MBD5: variants seen among roughly 807,000 people sequenced by gnomAD.
MBD5 encodes methyl-CpG-binding domain protein 5.
A neutral mutation model predicts 117.3 loss-of-function variants in MBD5; 13 were observed. The ratio of observed to expected loss-of-function variants is 0.11; its 90% CI spans 0.07 to 0.18. The LOEUF is 0.18. Among genes scored for constraint, MBD5 ranks in the 10% least tolerant of loss-of-function variants. The pLI is 1.00. For missense variants in MBD5, 1,879 were observed against 2,093.8 expected, an observed-to-expected ratio of 0.90 and a Z score of 2.00; for synonymous variants, 727 against 766.4, an observed-to-expected ratio of 0.95 and a Z score of 0.85.
intron 12 of MBD5, among the ~76,000 whole-genome samples, chr2:148,508,789 T>G (rs910537431): frequency 6.6e-6 from 1 of 152,178 alleles, no homozygotes; most frequent in Non-Finnish European, 1.5e-5. Context: ...TTTTGAAACA[T>G]AGGACCATCT....
intron 2 of MBD5, among the ~76,000 whole-genome samples, chr2:148,201,760 G>A (rs1438595042): frequency 6.6e-6 from 1 of 152,170 alleles, no homozygotes; most frequent in African/African-American, 2.4e-5. Context: ...ACCTGAAGTT[G>A]GGTGGTTTCT....
intron 4 of MBD5, among the ~76,000 whole-genome samples, chr2:148,455,300 C>T (rs150348202): frequency 1.3e-5 from 2 of 152,198 alleles, no homozygotes; most frequent in East Asian, 3.9e-4. Context: ...CATCCCCAAA[C>T]CCTGGACAAA....
At chr2:148,441,114 A>G (rs1270320909) in intron 4 of MBD5, among the ~76,000 whole-genome samples, 1 of 151,160 alleles carries the variant, frequency 6.6e-6, no homozygotes, top group African/African-American at 2.4e-5. Context: ...ATTTTTTTTT[A>G]TTTATTATAC....
intron 1 of MBD5, among the ~76,000 whole-genome samples, chr2:148,023,363 G>T (rs1400958902): frequency 6.6e-6 from 1 of 152,082 alleles, no homozygotes; most frequent in East Asian, 1.9e-4. Flanking sequence ...GTAGAAACTT[G>T]TTCTGTAAAA....
At chr2:148,363,627 C>A (rs766065931) in intron 4 of MBD5, among the ~76,000 whole-genome samples, 5 of 151,998 alleles carry the variant, frequency 3.3e-5, no homozygotes, top group Non-Finnish European at 7.4e-5. Flanking sequence ...GATACCCAGG[C>A]AAACAGGGTC....
chr2:148,456,573 G>T (rs1309712704), intron 4 of MBD5, among the ~76,000 whole-genome samples: 1 of 152,108 alleles, frequency 6.6e-6, no homozygotes, highest in African/African-American at 2.4e-5. Context: ...GACATGAACA[G>T]CAGGAGTCAT....
intron 3 of MBD5, among the ~76,000 whole-genome samples, chr2:148,260,983 G>A (rs1700718624): frequency 6.6e-6 from 1 of 152,158 alleles, no homozygotes. Context: ...CACTGTCAAT[G>A]AGCAGTAATA....
Position 148,469,675 on chromosome 2 carries a change from A to G in MBD5, c.1732A>G (p.Ser578Gly). The change falls in exon 8 of 14, where the codon AGT becomes GGT. Residue 578 changes from serine (S) to glycine (G), a missense_variant. Ser to Gly is a moderately conservative substitution (Grantham distance 56, BLOSUM62 0). Around this residue, in one of 4 missense-constraint regions of MBD5, gnomAD observed 1,666 missense variants for 1,792.2 expected, o/e 0.93. Coordinates refer to ENST00000642680, the MANE Select transcript of MBD5 (RefSeq NM_001378120.1). ...QHNAASFPAS[S>G]LLSAAAKAQL... is the part of the protein sequence containing the mutation. ...CAATGCTGCCTCCTTTCCAGCAAGT[A>G]GTTTACTCTCAGCAGCAGCCAAAGC... The G allele has an allele frequency of 6.2e-7, 1 of 1,614,012 alleles. No individual in the cohort carries two copies. The highest frequency in any genetic ancestry group is 1.3e-5 in the African/African-American group (1 of 75,046).
intron 4 of MBD5, among the ~76,000 whole-genome samples, chr2:148,411,030 G>A (rs1705230345): frequency 6.6e-6 from 1 of 152,066 alleles, no homozygotes; most frequent in Non-Finnish European, 1.5e-5. Flanking sequence ...GCTCAAGTGG[G>A]TCCTGGTGTC....
intron 1 of MBD5, among the ~76,000 whole-genome samples, chr2:148,113,313 A>G (rs1210154106): frequency 6.6e-6 from 1 of 152,172 alleles, no homozygotes; most frequent in African/African-American, 2.4e-5. Flanking sequence ...TTTGTGTAAC[A>G]TTAGGTGCAT....
intron 3 of MBD5, among the ~76,000 whole-genome samples, chr2:148,287,515 C>G (rs1013975598): frequency 1.3e-5 from 2 of 152,122 alleles, no homozygotes; most frequent in Non-Finnish European, 2.9e-5. Flanking sequence ...GTAATGGGAC[C>G]TCTCCTGTTT....
intron 3 of MBD5, among the ~76,000 whole-genome samples, chr2:148,259,765 G>A (rs141924324): frequency 1.9e-3 from 285 of 152,288 alleles, no homozygotes; most frequent in African/African-American, 5.8e-3. Flanking sequence ...TGCTCCTCAC[G>A]TGGTGTGGTT....
At chr2:148,458,980 C>T in intron 5 of MBD5, 109 bp downstream of exon 5, 3 of 891,416 alleles carry the variant, frequency 3.4e-6, no homozygotes, top group South Asian at 1.4e-5. Flanking sequence ...AAAAAGTGAC[C>T]TTTGTGCTAG....
intron 4 of MBD5, among the ~76,000 whole-genome samples, chr2:148,442,651 C>T (rs1706362558): frequency 6.6e-6 from 1 of 151,144 alleles, no homozygotes; most frequent in African/African-American, 2.5e-5. Flanking sequence ...AAGTATATGC[C>T]TTATATGATT....
chr2:148,502,356 T>C, intron 11 of MBD5, 80 bp from the exon 12 acceptor site: 1 of 1,315,160 alleles, frequency 7.6e-7, no homozygotes, highest in Non-Finnish European at 1.1e-6. Flanking sequence ...CAGCACCTGC[T>C]TGTACGGCAG....
intron 3 of MBD5, among the ~76,000 whole-genome samples, chr2:148,243,551 A>G (rs991287832): frequency 4.6e-5 from 7 of 152,122 alleles, no homozygotes; most frequent in Non-Finnish European, 8.8e-5. Context: ...CAATAAAGTA[A>G]AATATTTAAA....
At chr2:148,304,800 C>T (rs1406587247) in intron 3 of MBD5, among the ~76,000 whole-genome samples, 3 of 152,276 alleles carry the variant, frequency 2.0e-5, no homozygotes, top group East Asian at 1.9e-4. Context: ...CGGTGGCTCA[C>T]GCCTGTAATC....
chr2:148,050,527 T>G lies in MBD5; in HGVS notation c.-925+28843T>G, dbSNP rs553810416. On this transcript the variant is annotated intron_variant, in intron 1 of 13. Transcript: ENST00000642680. ...CATTCTGTGTGCTGTCTTTTCACTC[T>G]CTATAATGTCATTTGATCCACAAAA... Among the ~76,000 whole-genome samples, 47 of 152,302 alleles carry G rather than the reference T, an allele frequency of 3.1e-4. 2 individuals carry two copies. The South Asian group carries it at 9.3e-3, about 30-fold the overall frequency.
At position 148,514,339 on chromosome 2, in the gene MBD5, A is replaced by G. The variant is rs757280528; in HGVS notation, c.*1398A>G. On this transcript the variant is annotated 3_prime_UTR_variant, in exon 14 of 14. Coordinates refer to ENST00000642680, the MANE Select transcript of MBD5 (RefSeq NM_001378120.1). ...GTACAAGGTAATTAATAAGAAATGT[A>G]GCACAACATAATTTTCCGTCTTCTT... is the stretch of plus-strand genomic sequence containing the variant. 6.6e-6 allele frequency: 1 copy of G among 152,248 alleles called. No individual in the cohort carries two copies. The highest frequency in any genetic ancestry group is 1.5e-5 in the Non-Finnish European group (1 of 68,048). 9.4% of individuals were successfully genotyped at this position (152,248 alleles called of 1,614,324 possible).
Sources: allele counts gnomAD v4.1 joint callset (sites outside exome capture counted in the v4.1 genomes callset), GRCh38; gene constraint gnomAD v4.1.1; regional missense constraint gnomAD v4.1.1; transcripts MANE v1.5; gene names NCBI Gene and HGNC (gene_info 2026-07-23, HGNC 2026-07-21).